Variants in ECT2 observed in about 807,000 individuals in gnomAD.
ECT2 encodes epithelial cell transforming 2.
Under a neutral mutation model 116.9 loss-of-function variants are expected in ECT2, and 61 were observed. That is an observed-to-expected ratio of 0.52 (90% CI 0.42 to 0.65). The LOEUF is 0.65. Ranked by LOEUF, ECT2 falls within the 30% of genes least tolerant of loss-of-function variation. The pLI is 0.00. For synonymous variants in ECT2, 358 were observed against 346.4 expected (o/e 1.03, Z -0.37); for missense variants, 937 against 1,078.7 (o/e 0.87, Z 1.84).
At chr3:172,808,023 G>A in intron 22 of ECT2, 99 bp downstream of exon 22, 2 of 1,202,368 alleles carry the variant, frequency 1.7e-6, no homozygotes, top group South Asian at 1.8e-5. Flanking sequence ...ATTATGAATG[G>A]AGAGTTTTAG....
intron 14 of ECT2, 21 bp from the exon 15 acceptor site, chr3:172,782,141 AT>A: frequency 6.8e-7 from 1 of 1,473,124 alleles, no homozygotes; most frequent in Non-Finnish European, 9.2e-7. Flanking sequence ...AATTTTAAAT[AT>A]TTCAATTCGT....
chr3:172,794,242 C>A (rs1725212595), intron 18 of ECT2, among the ~76,000 whole-genome samples: 1 of 152,030 alleles, frequency 6.6e-6, no homozygotes, highest in African/African-American at 2.4e-5. Flanking sequence ...AGGTAAAAAT[C>A]ATTTAGGTGT....
At chr3:172,789,809 T>TC (rs1338485392) in intron 18 of ECT2, among the ~76,000 whole-genome samples, 2 of 152,202 alleles carry the variant, frequency 1.3e-5, no homozygotes, top group Admixed American at 1.3e-4. Context: ...TTGGGTTTGT[T>TC]CATGAGATTG....
intron 18 of ECT2, among the ~76,000 whole-genome samples, chr3:172,791,915 A>G (rs1189390065): frequency 1.3e-5 from 2 of 152,188 alleles, no homozygotes; most frequent in African/African-American, 4.8e-5. Flanking sequence ...AATCATTTCT[A>G]GCTTTTGATT....
chr3:172,776,461 C>G (rs772481827), intron 14 of ECT2, among the ~76,000 whole-genome samples: 59 of 152,088 alleles, frequency 3.9e-4, no homozygotes, highest in Non-Finnish European at 1.6e-4. Context: ...TCTTTATCCT[C>G]GTAACACATA....
At chr3:172,793,589 G>T (rs549318359) in intron 18 of ECT2, among the ~76,000 whole-genome samples, 1 of 151,814 alleles carries the variant, frequency 6.6e-6, no homozygotes, top group Middle Eastern at 3.2e-3. Context: ...TCAGCCTCCC[G>T]AGTAATTGAG....
At chr3:172,770,823 AT>A (rs535896321) in intron 13 of ECT2, among the ~76,000 whole-genome samples, 49 of 149,032 alleles carry the variant, frequency 3.3e-4, no homozygotes, top group African/African-American at 6.6e-4. Flanking sequence ...AGTGTTAAAG[AT>A]TTTTTTTTTT....
intron 14 of ECT2, among the ~76,000 whole-genome samples, chr3:172,781,724 A>G (rs1194650570): frequency 6.6e-6 from 1 of 152,190 alleles, no homozygotes; most frequent in Non-Finnish European, 1.5e-5. Flanking sequence ...ACACAGCCAC[A>G]CTCATTTATT....
chr3:172,758,123 G>C (rs569444104), intron 5 of ECT2, among the ~76,000 whole-genome samples: 25 of 152,106 alleles, frequency 1.6e-4, no homozygotes, highest in Non-Finnish European at 3.5e-4. Context: ...GCCTCCCAAA[G>C]TGTTGAGATT....
chr3:172,820,079 A>G (rs1730490417), intron 24 of ECT2, 69 bp from the exon 25 acceptor site: 2 of 1,173,922 alleles, frequency 1.7e-6, no homozygotes, highest in South Asian at 1.4e-5. Flanking sequence ...TAGGCATGAT[A>G]CTGAACTGTA....
At chr3:172,806,515 AG>A (rs1347331876) in intron 21 of ECT2, among the ~76,000 whole-genome samples, 2 of 151,618 alleles carry the variant, frequency 1.3e-5, no homozygotes, top group African/African-American at 4.9e-5. Context: ...TTTGGATGTT[AG>A]GCATATGTTT....
intron 22 of ECT2, among the ~76,000 whole-genome samples, chr3:172,812,541 GTTACT>G (rs1461019520): frequency 6.6e-6 from 1 of 151,910 alleles, no homozygotes; most frequent in Non-Finnish European, 1.5e-5. Flanking sequence ...GCATTGATAA[GTTACT>G]TTATAGTTTA....
chr3:172,778,600 T>C lies in ECT2; in HGVS notation c.1549-3563T>C, dbSNP rs1208731193. Among the ~76,000 whole-genome samples the C allele has an allele frequency of 5.7e-5, 8 of 141,066 alleles. No individual in the cohort carries two copies. In the South Asian group the frequency reaches 1.9e-3, roughly 34 times the overall value. 92.5% of individuals were successfully genotyped at this position (141,066 alleles called of 152,430 possible). A position where few individuals can be genotyped will look rare whatever the true frequency, so the allele number is the denominator to read the frequency against. ...AGCTATTAGCTATCTTTTTTTTTTTTTTTTTTTTTTTTTGAGATGGAGTCT... is the reference window on the plus strand; with the variant it reads ...AGCTATTAGCTATCTTTTTTTTTTTCTTTTTTTTTTTTTGAGATGGAGTCT... On this transcript the variant is annotated intron_variant, in intron 14 of 24. Coordinates refer to ENST00000392692, the MANE Select transcript of ECT2 (RefSeq NM_001258315.2).
At chr3:172,799,682 A>G (rs995596909) in intron 18 of ECT2, among the ~76,000 whole-genome samples, 4 of 152,204 alleles carry the variant, frequency 2.6e-5, no homozygotes, top group African/African-American at 4.8e-5. Context: ...AATGGCTACA[A>G]TTAGTCTCAT....
At chr3:172,781,397 A>G (rs1203290941) in intron 14 of ECT2, among the ~76,000 whole-genome samples, 1 of 152,212 alleles carries the variant, frequency 6.6e-6, no homozygotes, top group Non-Finnish European at 1.5e-5. Context: ...GCAGTATTAC[A>G]AAAATAATTT....
At chr3:172,807,947 T>A (rs1043109002) in intron 22 of ECT2, 23 bp downstream of exon 22, 7 of 1,601,976 alleles carry the variant, frequency 4.4e-6, no homozygotes, top group Non-Finnish European at 6.0e-6. Context: ...AACAGTATTA[T>A]AATGAAAGTT....
intron 18 of ECT2, among the ~76,000 whole-genome samples, chr3:172,788,204 T>G (rs1723954200): frequency 6.6e-6 from 1 of 152,212 alleles, no homozygotes; most frequent in Non-Finnish European, 1.5e-5. Flanking sequence ...TTAAAACCAC[T>G]GTTACCTATC....
In ECT2 at chr3:172,805,855, T is replaced by TAAGAGAGACAGAAGGTATGCCGGTCGG; in HGVS notation, c.2233_2245+14dup. 1.2e-6 allele frequency: 2 copies of TAAGAGAGACAGAAGGTATGCCGGTCGG among 1,613,198 alleles called. No individual in the cohort carries two copies. Among genetic ancestry groups the TAAGAGAGACAGAAGGTATGCCGGTCGG allele is most frequent in the Non-Finnish European group, 1.7e-6 (2 of 1,179,562 alleles). On this transcript the variant is annotated inframe_insertion, in exon 21 of 25. Coordinates refer to ENST00000392692, the MANE Select transcript of ECT2 (RefSeq NM_001258315.2). ...TCTCAGATTAAGAAGGTATTGGACA[T>TAAGAGAGACAGAAGGTATGCCGGTCGG]AAGAGAGACAGAAGGTATGCCGGTC...
At chr3:172,826,852 A>C in the ECT2 span, among the ~76,000 whole-genome samples, 1 of 152,232 alleles carries the variant, frequency 6.6e-6, no homozygotes, top group Non-Finnish European at 1.5e-5. Context: ...CAACAAAGTG[A>C]AGAGACAGTC....
Sources: allele counts gnomAD v4.1 joint callset (sites outside exome capture counted in the v4.1 genomes callset), GRCh38; gene constraint gnomAD v4.1.1; transcripts MANE v1.5; gene names NCBI Gene and HGNC (gene_info 2026-07-23, HGNC 2026-07-21).